MPP2: variants seen among roughly 807,000 people sequenced by gnomAD.
MPP2 encodes MAGUK p55 subfamily member 2.
Under a neutral mutation model 58.5 loss-of-function variants are expected in MPP2, and 42 were observed. The observed-to-expected ratio is 0.72, with a 90% CI of 0.56 to 0.93. The LOEUF (loss-of-function observed/expected upper bound fraction) is 0.93. Among genes scored for constraint, MPP2 ranks in the 40% least tolerant of loss-of-function variants. The pLI is 0.00. For missense variants in MPP2, 632 were observed against 760.4 expected, an observed-to-expected ratio of 0.83 and a Z score of 1.99; for synonymous variants, 300 against 307.8, an observed-to-expected ratio of 0.97 and a Z score of 0.26.
intron 6 of MPP2, among the ~76,000 whole-genome samples, chr17:43,881,865 CCT>C (rs1277373926): frequency 2.0e-5 from 3 of 152,140 alleles, no homozygotes; most frequent in East Asian, 3.9e-4. Flanking sequence ...CTCCACTCAC[CCT>C]CTCCCCTTGG....
chr17:43,902,033 T>C (rs2048114129), intron 2 of MPP2, among the ~76,000 whole-genome samples: 1 of 152,076 alleles, frequency 6.6e-6, no homozygotes, highest in African/African-American at 2.4e-5. Flanking sequence ...CTCTATCCTG[T>C]GGGAAGTATA....
intron 1 of MPP2, chr17:43,905,504 G>A (rs1393360237): frequency 6.6e-6 from 1 of 152,430 alleles, no homozygotes; most frequent in Non-Finnish European, 1.5e-5. Context: ...GGCCTCCCCA[G>A]GCTAGGAGTG....
Position 43,901,669 on chromosome 17 carries a change from T to A in MPP2, c.31+2761A>T, listed in dbSNP as rs563264639. ...AGCTCCACCTGAAAGCAGCCACATA[T>A]CCCAGCCTTGATCCAAAAAAGGGAG... On this transcript the variant is annotated intron_variant, in intron 2 of 12. Coordinates refer to ENST00000269095, the MANE Select transcript of MPP2 (RefSeq NM_005374.5). The A allele has an allele frequency of 3.9e-4, 332 of 848,964 alleles. 1 individual carries two copies. Among genetic ancestry groups the A allele is most frequent in the Non-Finnish European group, 4.3e-4 (305 of 705,658 alleles). The allele number at this position is 848,964 out of a possible 1,614,324, so 52.6% of individuals were successfully genotyped here.
At chr17:43,902,559 G>A (rs952421845) in intron 2 of MPP2, among the ~76,000 whole-genome samples, 3 of 152,230 alleles carry the variant, frequency 2.0e-5, no homozygotes, top group African/African-American at 7.2e-5. Flanking sequence ...TGCAGAAGCT[G>A]GGGACATTGG....
chr17:43,879,222 C>A lies in MPP2; in HGVS notation c.1482+53G>T. On this transcript the variant is annotated intron_variant, in intron 12 of 12. Transcript: ENST00000269095. The surrounding 1 kb of genome is among the most constrained non-coding windows in gnomAD (Gnocchi z 4.1). ...TCTCTCTGTCAGCTCAGGCCTGTCC[C>A]CCACCACCCTAGGCAGCTATCAGAC... The A allele has an allele frequency of 6.4e-7, 1 of 1,573,822 alleles. No homozygotes were observed. Among genetic ancestry groups the A allele is most frequent in the South Asian group, 1.2e-5 (1 of 85,944 alleles).
chr17:43,898,290 T>G lies in MPP2; in HGVS notation c.122A>C (p.Glu41Ala). 6.2e-7 allele frequency: 1 copy of G among 1,614,172 alleles called. No homozygotes were observed. Among genetic ancestry groups the G allele is most frequent in the Admixed American group, 1.7e-5 (1 of 60,032 alleles). ...LDLIFLRGIM[E>A]SPIVRSLAKA... ...GGCCAGGGATCTTACTATGGGACTT[T>G]CCATAATGCCTCGAAGGAAGATCAG... Residue 41 changes from glutamate (E) to alanine (A), a missense_variant, in exon 3 of 13, where the codon GAA (glutamate) becomes GCA (alanine). Physicochemically the swap from Glu to Ala is moderately radical, Grantham distance 107 (BLOSUM62 -1). Coordinates refer to ENST00000269095, the MANE Select transcript of MPP2 (RefSeq NM_005374.5).
At position 43,883,049 on chromosome 17, in the gene MPP2, G is replaced by A; in HGVS notation, c.307C>T (p.Leu103Phe). The A allele has an allele frequency of 6.2e-7, 1 of 1,611,420 alleles. No individual in the cohort carries two copies. Among genetic ancestry groups the A allele is most frequent in the Non-Finnish European group, 8.5e-7 (1 of 1,178,792 alleles). The change falls in exon 5 of 13, where the codon CTC becomes TTC. Residue 103 changes from leucine (L) to phenylalanine (F), a missense_variant. Leu to Phe is a conservative substitution (Grantham distance 22). Transcript: ENST00000269095. Reference protein sequence around the residue: ...HILQEPHFQSLLETHDSVASK... With the variant: ...HILQEPHFQSFLETHDSVASK... ...GCCACAGAGTCGTGCGTCTCCAGGAGGGACTGGGGGGTGGTGGGAAGAGAA... is the reference window on the plus strand; with the variant it reads ...GCCACAGAGTCGTGCGTCTCCAGGAAGGACTGGGGGGTGGTGGGAAGAGAA...
upstream of MPP2, chr17:43,908,055 C>A (rs541059543): frequency 3.3e-6 from 3 of 900,532 alleles, no homozygotes; most frequent in African/African-American, 3.6e-5. Context: ...TCCAGACTTT[C>A]CAGAAATTTT....
chr17:43,901,329 T>C lies in MPP2; in HGVS notation c.32-2949A>G, dbSNP rs376411267. On this transcript the variant is annotated intron_variant, in intron 2 of 12. Coordinates refer to ENST00000269095, the MANE Select transcript of MPP2 (RefSeq NM_005374.5). ...CTTCCCCTCCCCCATCTCCCATGAG[T>C]TCTTCCTCTTAATGAAGGGGATGAT... 1.1e-4 allele frequency: 105 copies of C among 985,492 alleles called. No homozygotes were observed. The African/African-American group carries it at 1.7e-3, about 16-fold the overall frequency. 61.0% of individuals were successfully genotyped at this position (985,492 alleles called of 1,614,324 possible).
In MPP2 at chr17:43,881,546, C is replaced by G. The variant is rs369257279; in HGVS notation, c.725G>C (p.Ser242Thr). The G allele has an allele frequency of 5.6e-6, 9 of 1,613,922 alleles. No individual in the cohort carries two copies. The African/African-American group carries it at 1.2e-4, about 22-fold the overall frequency. Residue 242 changes from serine (S) to threonine (T), a missense_variant, in exon 7 of 13, where the codon AGC becomes ACC. Ser to Thr is a moderately conservative substitution (Grantham distance 58). Coordinates refer to ENST00000269095, the MANE Select transcript of MPP2 (RefSeq NM_005374.5). ...CHFDYDPARD[S>T]LIPCKEAGLR... Reference sequence around the variant, plus strand: ...GCCTGCTTCCTTGCAGGGGATGAGGCTGTCTCGGGCCGGGTCATAGTCAAA... The same window carrying G: ...GCCTGCTTCCTTGCAGGGGATGAGGGTGTCTCGGGCCGGGTCATAGTCAAA...
rs745377855 is a variant in MPP2, at chr17:43,898,223, G to A, written c.150+39C>T. ...CCCATCCCCTACTGTGCCTCCCCAA[G>A]CACAGTGCCCTTGTGCCCACCTCCC... On this transcript the variant is annotated intron_variant, in intron 3 of 12. Transcript: ENST00000269095. 2.0e-6 allele frequency: 3 copies of A among 1,517,982 alleles called. No individual in the cohort carries two copies. The Admixed American group carries it at 5.0e-5, about 25-fold the overall frequency. 94.0% of individuals were successfully genotyped at this position (1,517,982 alleles called of 1,614,324 possible).
At chr17:43,902,368 G>A (rs957135327) in intron 2 of MPP2, among the ~76,000 whole-genome samples, 1 of 152,184 alleles carries the variant, frequency 6.6e-6, no homozygotes, top group Non-Finnish European at 1.5e-5. Context: ...CCCCAGTCAG[G>A]CACTATTGGT....
chr17:43,900,598 C>G (rs1261030454), intron 2 of MPP2: 2 of 1,492,366 alleles, frequency 1.3e-6, no homozygotes, highest in African/African-American at 2.8e-5. Flanking sequence ...TACACGCCGC[C>G]GTCTACCGCC....
Position 43,880,039 on chromosome 17 carries a change from C to CA in MPP2, c.1151-56dup. On this transcript the variant is annotated intron_variant, in intron 10 of 12. Coordinates refer to ENST00000269095, the MANE Select transcript of MPP2 (RefSeq NM_005374.5). The surrounding 1 kb of genome is among the most constrained non-coding windows in gnomAD (Gnocchi z 5.2). The stretch of plus-strand genomic sequence containing the variant: ...TGGGCAGGGGCAGGTTACAGTGCCT[C>CA]AGACACATATATGCACCCCTACCCA... 1.3e-6 allele frequency: 2 copies of CA among 1,555,824 alleles called. No homozygotes were observed. The highest frequency in any genetic ancestry group is 1.8e-6 in the Non-Finnish European group (2 of 1,129,480).
At chr17:43,901,272 A>C in intron 2 of MPP2, 1 of 985,424 alleles carries the variant, frequency 1.0e-6, no homozygotes, top group Non-Finnish European at 1.2e-6. Flanking sequence ...ATGGTGCCCC[A>C]GCCCTGCTTA....
chr17:43,882,339 C>T lies in MPP2; in HGVS notation c.626G>A (p.Gly209Asp), dbSNP rs1371446829. The T allele has an allele frequency of 6.2e-7, 1 of 1,612,462 alleles. No homozygotes were observed. Residue 209 changes from glycine (G) to aspartate (D), a missense_variant, in exon 6 of 13, where the codon GGC (glycine) becomes GAC (aspartate). Transcript: ENST00000269095. ...GGGCAGGATCTTGAGGATGACACTG[C>T]CACTGGCATTGCGCAGGAGCTCCTG... ...ALQELLRNAS[G>D]SVILKILPSY...
chr17:43,907,805 C>CTTAAAGGGGCGATGG (rs1219355189), upstream of MPP2: 1 of 985,330 alleles, frequency 1.0e-6, no homozygotes, highest in Non-Finnish European at 1.2e-6. Flanking sequence ...CCAAGGATCC[C>CTTAAAGGGGCGATGG]TTAAAGGGGC....
At chr17:43,887,917 T>C (rs1442377561) in intron 3 of MPP2, among the ~76,000 whole-genome samples, 1 of 152,130 alleles carries the variant, frequency 6.6e-6, no homozygotes, top group Non-Finnish European at 1.5e-5. Context: ...TACAATCTAT[T>C]ATGGCTGAGA....
intron 6 of MPP2, 44 bp downstream of exon 6, chr17:43,882,240 A>AG: frequency 1.3e-6 from 2 of 1,540,212 alleles, no homozygotes; most frequent in Non-Finnish European, 1.8e-6. Context: ...GACAGCCAGG[A>AG]GGCTCAGCCA....
Sources: allele counts gnomAD v4.1 joint callset (sites outside exome capture counted in the v4.1 genomes callset), GRCh38; gene constraint gnomAD v4.1.1; non-coding constraint Gnocchi (gnomAD v3.1); transcripts MANE v1.5; gene names NCBI Gene and HGNC (gene_info 2026-07-23, HGNC 2026-07-21).